The following PRPF3 variants were observed in gnomAD, a reference collection of about 807,000 sequenced individuals.
PRPF3 encodes the protein U4/U6 small nuclear ribonucleoprotein Prp3.
A neutral mutation model predicts 89.2 loss-of-function variants in PRPF3; 3 were observed. The ratio of observed to expected loss-of-function variants is 0.03; its 90% CI spans 0.02 to 0.09. The LOEUF is 0.09. Ranked by LOEUF, PRPF3 falls within the 10% of genes least tolerant of loss-of-function variation. The pLI is 1.00. For missense variants in PRPF3, 463 were observed against 828.8 expected, an observed-to-expected ratio of 0.56 and a Z score of 5.42; for synonymous variants, 270 against 289.1, an observed-to-expected ratio of 0.93 and a Z score of 0.67.
chr1:150,341,105 CAAAAAAAAAAA>C (rs71086503), intron 9 of PRPF3, among the ~76,000 whole-genome samples: 3 of 86,732 alleles, frequency 3.5e-5, no homozygotes, highest in East Asian at 4.0e-4. Flanking sequence ...GACCTTGTCT[CAAAAAAAAAAA>C]AAAAAAAAAA....
At chr1:150,344,900 T>G (rs1052609523) in intron 12 of PRPF3, among the ~76,000 whole-genome samples, 3 of 151,824 alleles carry the variant, frequency 2.0e-5, no homozygotes, top group African/African-American at 7.3e-5. Flanking sequence ...TTTTTTTTTT[T>G]AAATGGTCTG....
chr1:150,346,517 G>A (rs1553872996), intron 14 of PRPF3, 26 bp downstream of exon 14: 4 of 1,586,630 alleles, frequency 2.5e-6, no homozygotes, highest in African/African-American at 1.3e-5. Context: ...AGGGGATTAA[G>A]GGGGAGAGCT....
rs1658637406 is a variant in PRPF3 at position 150,349,183 on chromosome 1, G to GTGA, written c.1871_1873dup (p.Val624_Lys625insMet). 1 of 1,613,772 alleles carries GTGA rather than the reference G, an allele frequency of 6.2e-7. No homozygotes were observed. Among genetic ancestry groups the GTGA allele is most frequent in the Admixed American group, 1.7e-5 (1 of 59,992 alleles). On this transcript the variant is annotated inframe_insertion, in exon 15 of 16. Coordinates refer to ENST00000324862, the MANE Select transcript of PRPF3 (RefSeq NM_004698.4). ...TGATGAGGAGTCTGATGAGGAAGCTGTGAAGAAAACCAACAAATGTGTACT... is the reference window on the plus strand; with the variant it reads ...TGATGAGGAGTCTGATGAGGAAGCTGTGATGAAGAAAACCAACAAATGTGTACT...
At chr1:150,346,203 G>A in intron 13 of PRPF3, 67 bp downstream of exon 13, 1 of 1,419,184 alleles carries the variant, frequency 7.0e-7, no homozygotes, top group Non-Finnish European at 1.0e-6. Flanking sequence ...TTAGCATTGT[G>A]GGGAGAAAGG....
rs1553874698 is a variant in PRPF3, at chr1:150,352,822, C to G, written c.1906-11C>G. ...AAATTGAAGTGTTTTTATTATATATCTCTTTTCTAGGGTACAGCCAAAGAC... is the reference window on the plus strand; with the variant it reads ...AAATTGAAGTGTTTTTATTATATATGTCTTTTCTAGGGTACAGCCAAAGAC... On this transcript the variant is annotated splice_polypyrimidine_tract_variant and intron_variant, in intron 15 of 15. Transcript: ENST00000324862. 1.2e-6 allele frequency: 2 copies of G among 1,613,336 alleles called. No homozygotes were observed. Among genetic ancestry groups the G allele is most frequent in the Non-Finnish European group, 1.7e-6 (2 of 1,179,382 alleles).
chr1:150,343,246 AAAATATAT>A, intron 9 of PRPF3, 55 bp from the exon 10 acceptor site: 3 of 399,396 alleles, frequency 7.5e-6, no homozygotes, highest in Non-Finnish European at 9.9e-6. Flanking sequence ...AGAAAAAAAA[AAAATATAT>A]ATATATATAT....
intron 9 of PRPF3, among the ~76,000 whole-genome samples, chr1:150,342,559 A>G (rs1216964985): frequency 2.6e-5 from 4 of 151,884 alleles, no homozygotes; most frequent in Non-Finnish European, 5.9e-5. Context: ...CTGTGTTGCC[A>G]GGCTAGAGTG....
At chr1:150,334,608 C>T (rs1656775323) in intron 6 of PRPF3, among the ~76,000 whole-genome samples, 1 of 152,106 alleles carries the variant, frequency 6.6e-6, no homozygotes, top group African/African-American at 2.4e-5. Context: ...CAGTGTGAGC[C>T]ACCACACCCG....
chr1:150,326,340 A>C (rs1337770662), intron 3 of PRPF3, among the ~76,000 whole-genome samples: 2 of 152,144 alleles, frequency 1.3e-5, no homozygotes, highest in African/African-American at 4.8e-5. Context: ...AATAACTATT[A>C]TTTATTATAT....
chr1:150,347,489 G>C (rs1337048558), intron 14 of PRPF3, among the ~76,000 whole-genome samples: 1 of 152,106 alleles, frequency 6.6e-6, no homozygotes, highest in African/African-American at 2.4e-5. Flanking sequence ...TGAGCACTTT[G>C]GGAGGCCGAG....
At position 150,340,385 on chromosome 1, in the gene PRPF3, C is replaced by T; in HGVS notation, c.1203-13C>T. 2 of 1,557,884 alleles carry T rather than the reference C, an allele frequency of 1.3e-6. No individual in the cohort carries two copies. The highest frequency in any genetic ancestry group is 8.9e-7 in the Non-Finnish European group (1 of 1,129,216). On this transcript the variant is annotated splice_polypyrimidine_tract_variant and intron_variant, in intron 8 of 15. Coordinates refer to ENST00000324862, the MANE Select transcript of PRPF3 (RefSeq NM_004698.4). ...CCCGCATATCGTGTTTTCTTTTCTT[C>T]CTACAATTTTAGTACAGAGGAAAAT... is the stretch of plus-strand genomic sequence containing the variant.
chr1:150,346,337 C>T (rs1248256137), intron 13 of PRPF3, 71 bp from the exon 14 acceptor site: 1 of 1,475,702 alleles, frequency 6.8e-7, no homozygotes, highest in African/African-American at 1.4e-5. Flanking sequence ...ACATTAATGT[C>T]TGAGCTCAGA....
chr1:150,331,187 C>A (rs587655301), intron 4 of PRPF3, among the ~76,000 whole-genome samples: 2 of 151,116 alleles, frequency 1.3e-5, no homozygotes, highest in East Asian at 3.9e-4. Context: ...ACAGAACGTG[C>A]ATCACCATGT....
intron 9 of PRPF3, 61 bp downstream of exon 9, chr1:150,340,538 AGTGAG>A: frequency 8.0e-7 from 1 of 1,247,860 alleles, no homozygotes; most frequent in Non-Finnish European, 1.2e-6. Context: ...AAATTTATAC[AGTGAG>A]GAACATGTTC....
Position 150,338,181 on chromosome 1 carries a change from G to A in PRPF3, c.1057G>A (p.Ala353Thr). 1 of 1,614,060 alleles carries A rather than the reference G, an allele frequency of 6.2e-7. No homozygotes were observed. Among genetic ancestry groups the A allele is most frequent in the Non-Finnish European group, 8.5e-7 (1 of 1,180,016 alleles). The change falls in exon 8 of 16, where the codon GCA becomes ACA. Residue 353 changes from alanine to threonine, a missense_variant. Around this residue, in one of 8 missense-constraint regions of PRPF3, gnomAD observed 261 missense variants for 475.8 expected, o/e 0.55. Transcript: ENST00000324862. ...RTKAQLEKLQ[A>T]EISQAARKTG... ...TTAGGCTCAACTGGAGAAGCTACAG[G>A]CAGAGATTTCACAAGCAGCTCGAAA...
chr1:150,342,041 T>C (rs1657798240), intron 9 of PRPF3, among the ~76,000 whole-genome samples: 1 of 151,900 alleles, frequency 6.6e-6, no homozygotes, highest in African/African-American at 2.4e-5. Context: ...TATCATTGAA[T>C]GAGGGGGTTT....
intron 8 of PRPF3, 150 bp downstream of exon 8, chr1:150,338,476 T>TCATAGA: frequency 1.3e-6 from 1 of 751,232 alleles, no homozygotes; most frequent in Non-Finnish European, 2.2e-6. Context: ...GAGAGATAAG[T>TCATAGA]AACTGTACAC....
chr1:150,343,263 A>G (rs1282512174), intron 9 of PRPF3, 46 bp from the exon 10 acceptor site: 8 of 1,334,832 alleles, frequency 6.0e-6, no homozygotes, highest in Admixed American at 1.9e-5. Context: ...ATATATATAT[A>G]TATGTATTCT....
At chr1:150,345,486 G>A (rs1158051772) in intron 12 of PRPF3, 3 of 164,566 alleles carry the variant, frequency 1.8e-5, no homozygotes, top group African/African-American at 7.2e-5. Context: ...GAGTAGCTAG[G>A]ATTACAGGCA....
Sources: allele counts gnomAD v4.1 joint callset (sites outside exome capture counted in the v4.1 genomes callset), GRCh38; gene constraint gnomAD v4.1.1; regional missense constraint gnomAD v4.1.1; transcripts MANE v1.5; gene names NCBI Gene and HGNC (gene_info 2026-07-23, HGNC 2026-07-21).